GAREM1: variants seen among roughly 807,000 people sequenced by gnomAD.
The protein encoded by GAREM1 is GRB2 associated regulator of MAPK1 subtype 1, also known as GRB2-associated and regulator of MAPK protein 1.
A neutral mutation model predicts 71.3 loss-of-function variants in GAREM1; 26 were observed. The observed-to-expected ratio is 0.36, with a 90% CI of 0.27 to 0.51. The LOEUF (loss-of-function observed/expected upper bound fraction) is 0.51, where lower values mean the gene tolerates loss of function less well. Among genes scored for constraint, GAREM1 ranks in the 20% least tolerant of loss-of-function variants. GAREM1 has a pLI of 0.95. For missense variants in GAREM1, 1,026 were observed against 1,103.1 expected (o/e 0.93, Z 0.99); for synonymous variants, 440 against 433.2 (o/e 1.02, Z -0.20).
intron 2 of GAREM1, among the ~76,000 whole-genome samples, chr18:32,387,216 A>G (rs1050395426): frequency 1.2e-4 from 19 of 152,152 alleles, no homozygotes; most frequent in Non-Finnish European, 2.4e-4. Context: ...AATAAAAACC[A>G]TTCAACTTCA....
chr18:32,383,140 G>A (rs575052661), intron 2 of GAREM1, among the ~76,000 whole-genome samples: 10 of 152,278 alleles, frequency 6.6e-5, no homozygotes, highest in South Asian at 2.1e-4. Flanking sequence ...CAAACCCTAC[G>A]GTGTTCTGTA....
intron 3 of GAREM1, among the ~76,000 whole-genome samples, chr18:32,293,142 C>G (rs1464442090): frequency 6.6e-6 from 1 of 151,466 alleles, no homozygotes; most frequent in African/African-American, 2.4e-5. Flanking sequence ...CATAGACACA[C>G]AGACACACAC....
chr18:32,379,708 A>G (rs1310915273), intron 2 of GAREM1, among the ~76,000 whole-genome samples: 1 of 151,688 alleles, frequency 6.6e-6, no homozygotes, highest in Non-Finnish European at 1.5e-5. Context: ...TGGTCTTTAA[A>G]AAAAAAAAAA....
intron 2 of GAREM1, among the ~76,000 whole-genome samples, chr18:32,324,353 G>A (rs1184123887): frequency 1.3e-5 from 2 of 152,116 alleles, no homozygotes; most frequent in African/African-American, 4.8e-5. Flanking sequence ...CCTGTTCTTG[G>A]CTTATTTGCT....
intron 1 of GAREM1, among the ~76,000 whole-genome samples, chr18:32,447,105 C>T (rs2048792323): frequency 6.6e-6 from 1 of 152,166 alleles, no homozygotes; most frequent in Non-Finnish European, 1.5e-5. Flanking sequence ...TACAAGTGTG[C>T]ACAAACAGCA....
At position 32,395,411 on chromosome 18, in the gene GAREM1, A is replaced by G. The variant is rs573665000; in HGVS notation, c.122-2376T>C. Among the ~76,000 whole-genome samples the G allele has an allele frequency of 1.3e-4, 20 of 152,366 alleles. No individual in the cohort carries two copies. The South Asian group carries it at 4.1e-3, about 32-fold the overall frequency. ...GCCAATACCAATAACAAAACTAAGT[A>G]ATTAAATTACAAATTCATTCGAAGG... On this transcript the variant is annotated intron_variant, in intron 1 of 5. Coordinates refer to ENST00000269209, the MANE Select transcript of GAREM1 (RefSeq NM_001242409.2).
chr18:32,334,386 T>G (rs1057410831), intron 2 of GAREM1, among the ~76,000 whole-genome samples: 1 of 152,046 alleles, frequency 6.6e-6, no homozygotes, highest in Non-Finnish European at 1.5e-5. Flanking sequence ...AAGTTTTTAT[T>G]TACCAAAACT....
intron 4 of GAREM1, among the ~76,000 whole-genome samples, chr18:32,282,850 G>T (rs1413823568): frequency 6.6e-6 from 1 of 152,130 alleles, no homozygotes; most frequent in African/African-American, 2.4e-5. Flanking sequence ...CTAAAGAGGG[G>T]GAAAAGAAGA....
At chr18:32,440,925 T>C (rs2144273813) in intron 1 of GAREM1, among the ~76,000 whole-genome samples, 1 of 152,352 alleles carries the variant, frequency 6.6e-6, no homozygotes, top group Admixed American at 6.5e-5. Flanking sequence ...TGTAAAAATC[T>C]GTATCTACAT....
intron 2 of GAREM1, among the ~76,000 whole-genome samples, chr18:32,380,471 AT>A (rs759469377): frequency 6.4e-5 from 8 of 125,508 alleles, no homozygotes; most frequent in Non-Finnish European, 8.1e-5. Flanking sequence ...GTGAGACTTC[AT>A]TTAAAAAAAA....
chr18:32,391,966 C>T (rs906672494), intron 2 of GAREM1, among the ~76,000 whole-genome samples: 6 of 152,082 alleles, frequency 3.9e-5, no homozygotes, highest in African/African-American at 1.4e-4. Flanking sequence ...AAACAAATAC[C>T]ATTTACTGTG....
At chr18:32,338,282 GTC>G (rs1306491962) in intron 2 of GAREM1, among the ~76,000 whole-genome samples, 1 of 152,146 alleles carries the variant, frequency 6.6e-6, no homozygotes, top group Non-Finnish European at 1.5e-5. Context: ...CCCATAGTCT[GTC>G]TCTGTTTTTC....
chr18:32,388,664 C>T lies in GAREM1; in HGVS notation c.262+4231G>A, dbSNP rs149101903. ...CAAATCACGAGGACACGGGGAAACCCAAACTGAGGGTTGTTTTAGAAAATA... is the reference window on the plus strand; with the variant it reads ...CAAATCACGAGGACACGGGGAAACCTAAACTGAGGGTTGTTTTAGAAAATA... On this transcript the variant is annotated intron_variant, in intron 2 of 5. Transcript: ENST00000269209. Among the ~76,000 whole-genome samples the T allele has an allele frequency of 5.7e-3, 872 of 152,258 alleles. 10 individuals are homozygous for T. The highest frequency in any genetic ancestry group is 0.02 in the African/African-American group (817 of 41,548).
chr18:32,291,555 C>T (rs1014811641), intron 3 of GAREM1, among the ~76,000 whole-genome samples: 4 of 151,918 alleles, frequency 2.6e-5, no homozygotes, highest in African/African-American at 4.8e-5. Flanking sequence ...AGGTTTATTA[C>T]GTAGGTATAC....
chr18:32,409,632 T>C (rs964516545), intron 1 of GAREM1, among the ~76,000 whole-genome samples: 2 of 152,182 alleles, frequency 1.3e-5, no homozygotes, highest in East Asian at 1.9e-4. Context: ...GACAAAAGAC[T>C]CCTTTCTGAA....
chr18:32,279,815 C>T (rs1012340817), intron 4 of GAREM1, among the ~76,000 whole-genome samples: 5 of 152,028 alleles, frequency 3.3e-5, no homozygotes, highest in Non-Finnish European at 4.4e-5. Context: ...TATTATCATT[C>T]TAATCATTAA....
At chr18:32,439,467 C>T (rs1307948422) in intron 1 of GAREM1, among the ~76,000 whole-genome samples, 1 of 152,062 alleles carries the variant, frequency 6.6e-6, no homozygotes, top group Non-Finnish European at 1.5e-5. Flanking sequence ...CAATTTACTT[C>T]CGATAAGGTG....
At chr18:32,304,947 C>A (rs2047238321) in intron 3 of GAREM1, among the ~76,000 whole-genome samples, 1 of 151,892 alleles carries the variant, frequency 6.6e-6, no homozygotes, top group Admixed American at 6.6e-5. Context: ...GAATGGCCAA[C>A]TCAGAAAGAG....
intron 3 of GAREM1, among the ~76,000 whole-genome samples, chr18:32,295,592 T>A (rs2047131996): frequency 6.6e-6 from 1 of 152,214 alleles, no homozygotes; most frequent in Admixed American, 6.5e-5. Context: ...AAGAGCAACC[T>A]TTGTAAATAA....
Sources: gnomAD v4.1 joint callset for allele counts (sites outside exome capture counted in the v4.1 genomes callset) on GRCh38, gnomAD v4.1.1 for gene constraint, MANE v1.5 for transcripts, NCBI Gene and HGNC (gene_info 2026-07-23, HGNC 2026-07-21) for gene names.